The following HDAC4 variants were observed in gnomAD, a reference collection of about 807,000 sequenced individuals.
The protein encoded by HDAC4 is histone deacetylase 4.
In HDAC4, 16 loss-of-function variants were observed where a neutral mutation model predicts 135.1. That is an observed-to-expected ratio of 0.12 (90% CI 0.08 to 0.18). HDAC4 has a LOEUF of 0.18. Ranked by LOEUF, HDAC4 falls within the 10% of genes least tolerant of loss-of-function variation. The probability of loss-of-function intolerance (pLI) is 1.00; values close to 1 mark genes in which losing one functional copy is unlikely to be tolerated. For synonymous variants in HDAC4, 685 were observed against 653.4 expected (o/e 1.05, Z -0.74); for missense variants, 1,143 against 1,511.8 (o/e 0.76, Z 4.05).
intron 3 of HDAC4, among the ~76,000 whole-genome samples, chr2:239,199,736 CT>C (rs35353470): frequency 0.77 from 106,948 of 139,038 alleles, 40,851 homozygotes; most frequent in South Asian, 0.92. Flanking sequence ...CTGTACATTT[CT>C]TTTTTTTTTT....
At chr2:239,318,414 G>T (rs534748879) in intron 2 of HDAC4, among the ~76,000 whole-genome samples, 77 of 152,302 alleles carry the variant, frequency 5.1e-4, no homozygotes, top group African/African-American at 1.8e-3. Context: ...AAATGACGAG[G>T]AGACTGTCCC....
chr2:239,169,282 G>A lies in HDAC4; in HGVS notation c.491-5359C>T, dbSNP rs199582864. On this transcript the variant is annotated intron_variant, in intron 5 of 26. Transcript: ENST00000543185. ...TGGGCTACCGGCGAACCACAGAAGC[G>A]TGGAGGGGAGGCCGGACCCCAGGCA... is the stretch of plus-strand genomic sequence containing the variant. Among the ~76,000 whole-genome samples the A allele has an allele frequency of 3.3e-4, 51 of 152,324 alleles. No individual in the cohort carries two copies. The East Asian group carries it at 8.3e-3, about 25-fold the overall frequency.
intron 2 of HDAC4, among the ~76,000 whole-genome samples, chr2:239,250,093 G>A (rs2048699352): frequency 6.6e-6 from 1 of 152,250 alleles, no homozygotes; most frequent in Admixed American, 6.5e-5. Context: ...TCTCCCATCG[G>A]AATTGCAGGG....
intron 4 of HDAC4, among the ~76,000 whole-genome samples, chr2:239,180,814 T>A (rs1189862563): frequency 6.6e-6 from 1 of 152,168 alleles, no homozygotes; most frequent in Non-Finnish European, 1.5e-5. Context: ...GCCTGCCCCA[T>A]TGCAGTGACC....
At chr2:239,153,825 G>A (rs1405795471) in intron 7 of HDAC4, among the ~76,000 whole-genome samples, 1 of 152,240 alleles carries the variant, frequency 6.6e-6, no homozygotes, top group Non-Finnish European at 1.5e-5. Context: ...AGAAACACAA[G>A]GCAGCATGGG....
chr2:239,146,290 C>T lies in HDAC4; in HGVS notation c.734-1576G>A, dbSNP rs923227281. Among the ~76,000 whole-genome samples, 1 of 151,356 alleles carries T rather than the reference C, an allele frequency of 6.6e-6. No homozygotes were observed. Among genetic ancestry groups the T allele is most frequent in the Admixed American group, 6.6e-5 (1 of 15,224 alleles). ...TGATGACTAGGCAAGAAAACAGTACCTCTTCTCTCACCACCAGATCTCCAC... is the reference window on the plus strand; with the variant it reads ...TGATGACTAGGCAAGAAAACAGTACTTCTTCTCTCACCACCAGATCTCCAC... On this transcript the variant is annotated intron_variant, in intron 7 of 26. Transcript: ENST00000543185. This position sits in a 1 kb window ranked among gnomAD's most constrained non-coding sequence, Gnocchi z 4.5.
chr2:239,120,395 G>A (rs1035590148), intron 12 of HDAC4, among the ~76,000 whole-genome samples: 2 of 145,198 alleles, frequency 1.4e-5, no homozygotes, highest in African/African-American at 2.6e-5. Context: ...ACACACAGAC[G>A]CACACAGACA....
chr2:239,389,049 G>A (rs1696020137), intron 1 of HDAC4, among the ~76,000 whole-genome samples: 1 of 152,178 alleles, frequency 6.6e-6, no homozygotes, highest in African/African-American at 2.4e-5. Flanking sequence ...TGGGTCGGGT[G>A]GGGACTTGGA....
intron 2 of HDAC4, among the ~76,000 whole-genome samples, chr2:239,300,768 C>T (rs553487407): frequency 5.1e-4 from 77 of 152,360 alleles, no homozygotes; most frequent in African/African-American, 1.7e-3. Context: ...AGAATTTTTC[C>T]GACTGCTCTT....
chr2:239,080,904 G>A (rs1157277465), intron 22 of HDAC4, 191 bp downstream of exon 22: 2 of 594,452 alleles, frequency 3.4e-6, no homozygotes, highest in Non-Finnish European at 6.0e-6. Context: ...AAGAGCTGAT[G>A]GTAAGAAGAT....
intron 12 of HDAC4, among the ~76,000 whole-genome samples, chr2:239,121,308 A>C (rs959145930): frequency 1.2e-4 from 18 of 152,108 alleles, no homozygotes; most frequent in African/African-American, 4.3e-4. Flanking sequence ...GAAAATCTCA[A>C]ACGTCCTTCC....
At position 239,123,108 on chromosome 2, in the gene HDAC4, A is replaced by G. The variant is rs148223214; in HGVS notation, c.1533+3348T>C. On this transcript the variant is annotated intron_variant, in intron 12 of 26. Transcript: ENST00000543185. ...ACTCCAGTGAGAGTACCCGGTTTCT[A>G]AATCCTTCAAGAGTATACGGCATGT... is the stretch of plus-strand genomic sequence containing the variant. Among the ~76,000 whole-genome samples, 66 of 152,370 alleles carry G rather than the reference A, an allele frequency of 4.3e-4. No individual in the cohort carries two copies. In the East Asian group the frequency reaches 5.4e-3, roughly 12 times the overall value.
intron 2 of HDAC4, among the ~76,000 whole-genome samples, chr2:239,246,747 A>T (rs1023831579): frequency 6.6e-6 from 1 of 152,174 alleles, no homozygotes; most frequent in Non-Finnish European, 1.5e-5. Flanking sequence ...ACCCCTACCT[A>T]CCAAGTGGCA....
At chr2:239,194,577 A>C (rs908121497) in intron 3 of HDAC4, among the ~76,000 whole-genome samples, 6 of 152,340 alleles carry the variant, frequency 3.9e-5, no homozygotes, top group Admixed American at 3.3e-4. Context: ...ACAGCCAGCG[A>C]GCAGCCTGGC....
chr2:239,300,872 T>C (rs1438765943), intron 2 of HDAC4, among the ~76,000 whole-genome samples: 5 of 152,240 alleles, frequency 3.3e-5, no homozygotes, highest in Admixed American at 2.6e-4. Flanking sequence ...ATTCCGTACA[T>C]CGTGTCCACG....
chr2:239,363,833 C>A (rs761430429), intron 1 of HDAC4, among the ~76,000 whole-genome samples: 1 of 152,104 alleles, frequency 6.6e-6, no homozygotes, highest in Non-Finnish European at 1.5e-5. Context: ...CAGCAAGGGA[C>A]GGATATTCAA....
chr2:239,213,380 G>C (rs542465275), intron 3 of HDAC4, among the ~76,000 whole-genome samples: 2 of 152,180 alleles, frequency 1.3e-5, no homozygotes, highest in African/African-American at 4.8e-5. Context: ...AGCGGTGCCC[G>C]CGCCCCTCAT....
rs768164228 is a variant in HDAC4 at position 239,371,116 on chromosome 2, G to A, written c.-219-18198C>T. 8.9e-4 allele frequency among the ~76,000 whole-genome samples: 135 copies of A among 152,338 alleles called. 1 individual carries two copies. The highest frequency in any genetic ancestry group is 2.4e-4 in the Non-Finnish European group (16 of 68,034). On this transcript the variant is annotated intron_variant, in intron 1 of 26. Coordinates refer to ENST00000543185, the MANE Select transcript of HDAC4 (RefSeq NM_001378414.1). ...ATCACCCAGGACAGAGTCCACCTTT[G>A]TCCAGGCAGGAACCCTGCGCCTCAG...
At chr2:239,131,356 G>A (rs2152869483) in intron 11 of HDAC4, among the ~76,000 whole-genome samples, 1 of 152,292 alleles carries the variant, frequency 6.6e-6, no homozygotes, top group African/African-American at 2.4e-5. Flanking sequence ...GATTACCAGC[G>A]ATAAGGTGGG....
Sources: gnomAD v4.1 joint callset for allele counts (sites outside exome capture counted in the v4.1 genomes callset) on GRCh38, gnomAD v4.1.1 for gene constraint, Gnocchi (gnomAD v3.1) non-coding constraint, MANE v1.5 for transcripts, NCBI Gene and HGNC (gene_info 2026-07-23, HGNC 2026-07-21) for gene names.